The following UTRN variants were observed in gnomAD, a reference collection of about 807,000 sequenced individuals.
UTRN encodes utrophin.
A neutral mutation model predicts 463.9 loss-of-function variants in UTRN; 283 were observed. The ratio of observed to expected loss-of-function variants is 0.61; its 90% CI spans 0.55 to 0.67. UTRN has a LOEUF of 0.67. Among genes scored for constraint, UTRN ranks in the 30% least tolerant of loss-of-function variants. The pLI is 0.00. For missense variants in UTRN, 3,922 were observed against 4,084.3 expected, an observed-to-expected ratio of 0.96 and a Z score of 1.08; for synonymous variants, 1,442 against 1,431.5, an observed-to-expected ratio of 1.01 and a Z score of -0.17.
chr6:144,839,107 A>C (rs1363148216), intron 71 of UTRN, 66 bp from the exon 72 acceptor site: 1 of 1,305,990 alleles, frequency 7.7e-7, no homozygotes, highest in African/African-American at 1.5e-5. Flanking sequence ...GAAGTTAAAA[A>C]GGAAATGTTT....
chr6:144,510,467 A>T (rs149798166), intron 34 of UTRN, among the ~76,000 whole-genome samples: 257 of 152,280 alleles, frequency 1.7e-3, no homozygotes, highest in African/African-American at 6.0e-3. Flanking sequence ...CAGCTGTAAG[A>T]TGTTATCCTT....
intron 51 of UTRN, among the ~76,000 whole-genome samples, chr6:144,587,580 GT>G (rs1281131534): frequency 9.2e-5 from 14 of 152,296 alleles, no homozygotes; most frequent in African/African-American, 3.1e-4. Context: ...TTAAGGTTGA[GT>G]ATGTGGTTTT....
intron 2 of UTRN, among the ~76,000 whole-genome samples, chr6:144,362,962 GT>G: frequency 6.6e-6 from 1 of 152,110 alleles, no homozygotes; most frequent in Non-Finnish European, 1.5e-5. Flanking sequence ...TTTCTCTTAG[GT>G]TTTGTATTAT....
At chr6:144,517,500 C>T (rs55833104) in intron 39 of UTRN, among the ~76,000 whole-genome samples, 21,843 of 151,868 alleles carry the variant, frequency 0.14, 1,700 homozygotes, top group South Asian at 0.3. Flanking sequence ...ATATCCAGCT[C>T]CAGCTCTTTT....
chr6:144,698,936 G>A (rs1784286584), intron 52 of UTRN, among the ~76,000 whole-genome samples: 1 of 152,190 alleles, frequency 6.6e-6, no homozygotes, highest in Non-Finnish European at 1.5e-5. Context: ...AAGTACTGCA[G>A]TGACTTTCGC....
At chr6:144,550,874 A>G (rs1443846729) in intron 47 of UTRN, 91 bp from the exon 48 acceptor site, 1 of 1,142,172 alleles carries the variant, frequency 8.8e-7, no homozygotes, top group African/African-American at 1.6e-5. Flanking sequence ...GAGGAAAACA[A>G]CGACAACTTT....
rs377479298 is a variant in UTRN, at chr6:144,552,477, T to G, written c.6928+1395T>G. Among the ~76,000 whole-genome samples the G allele has an allele frequency of 1.1e-4, 17 of 152,348 alleles. No homozygotes were observed. The South Asian group carries it at 1.2e-3, about 11-fold the overall frequency. ...CTTTTTCTATCATCTTGATGTTTTC[T>G]TTTAATTATTATTTTTTCCATCACC... is the stretch of plus-strand genomic sequence containing the variant. On this transcript the variant is annotated intron_variant, in intron 48 of 74. Transcript: ENST00000367545.
chr6:144,318,742 G>T (rs1775440720), intron 2 of UTRN, among the ~76,000 whole-genome samples: 1 of 152,194 alleles, frequency 6.6e-6, no homozygotes. Flanking sequence ...GGGATTACAG[G>T]CGTGAGCCAC....
At chr6:144,660,643 G>T in intron 51 of UTRN, among the ~76,000 whole-genome samples, 1 of 152,110 alleles carries the variant, frequency 6.6e-6, no homozygotes, top group East Asian at 1.9e-4. Context: ...GTCTGACTTC[G>T]TAGGCATGGG....
Position 144,699,397 on chromosome 6 carries a change from G to A in UTRN, c.7653-690G>A, listed in dbSNP as rs530699716. On this transcript the variant is annotated intron_variant, in intron 52 of 74. Coordinates refer to ENST00000367545, the MANE Select transcript of UTRN (RefSeq NM_007124.3). ...AGAGGTCGCAGTGAGCCGAGATTGCGCCACTGCACTCCAGCCTGGGTGACA... is the reference window on the plus strand; with the variant it reads ...AGAGGTCGCAGTGAGCCGAGATTGCACCACTGCACTCCAGCCTGGGTGACA... Among the ~76,000 whole-genome samples the A allele has an allele frequency of 3.0e-4, 43 of 144,764 alleles. No individual in the cohort carries two copies. The South Asian group carries it at 6.0e-3, about 20-fold the overall frequency. The allele number at this position is 144,764 out of a possible 152,430, so 95.0% of individuals were successfully genotyped here.
chr6:144,715,693 T>TCCCCCCCCC (rs10660006), intron 53 of UTRN, among the ~76,000 whole-genome samples: 1 of 131,024 alleles, frequency 7.6e-6, no homozygotes, highest in Admixed American at 7.8e-5. Flanking sequence ...CTCTCTCTCT[T>TCCCCCCCCC]CCCCCCCCAC....
At chr6:144,565,577 G>T (rs192677285) in intron 50 of UTRN, among the ~76,000 whole-genome samples, 1 of 152,136 alleles carries the variant, frequency 6.6e-6, no homozygotes, top group Non-Finnish European at 1.5e-5. Flanking sequence ...GTGAAAAAAC[G>T]CAGATTTGTC....
chr6:144,815,481 A>G (rs1562943983), intron 65 of UTRN, among the ~76,000 whole-genome samples: 1 of 151,980 alleles, frequency 6.6e-6, no homozygotes, highest in African/African-American at 2.4e-5. Flanking sequence ...CAGTTTGAGT[A>G]CCCAAACCTC....
intron 10 of UTRN, among the ~76,000 whole-genome samples, chr6:144,436,773 A>G (rs1786576350): frequency 6.9e-6 from 1 of 144,626 alleles, no homozygotes; most frequent in African/African-American, 2.5e-5. Context: ...ATTTATATAT[A>G]TAATAAATAA....
chr6:144,695,612 G>A lies in UTRN; in HGVS notation c.7653-4475G>A, dbSNP rs144046874. On this transcript the variant is annotated intron_variant, in intron 52 of 74. Transcript: ENST00000367545. ...CCCGCCTCAGCCTCCCAAAGTGCTG[G>A]GATTACAGGCGTGAGCCACTGCGCT... Among the ~76,000 whole-genome samples the A allele has an allele frequency of 1.3e-3, 202 of 152,272 alleles. 2 individuals are homozygous for A. Among genetic ancestry groups the A allele is most frequent in the Admixed American group, 4.1e-3 (62 of 15,298 alleles).
At chr6:144,719,713 T>C (rs1786899690) in intron 53 of UTRN, among the ~76,000 whole-genome samples, 1 of 152,178 alleles carries the variant, frequency 6.6e-6, no homozygotes, top group Non-Finnish European at 1.5e-5. Context: ...TATTAGGAGA[T>C]GACATCAGAC....
chr6:144,340,930 A>G (rs777263205), intron 2 of UTRN, among the ~76,000 whole-genome samples: 1 of 152,250 alleles, frequency 6.6e-6, no homozygotes. Context: ...AGAAACTTCA[A>G]TGAAGCCTTT....
intron 39 of UTRN, 21 bp downstream of exon 39, chr6:144,516,969 C>T (rs1795666891): frequency 1.4e-6 from 2 of 1,430,696 alleles, no homozygotes; most frequent in Non-Finnish European, 1.8e-6. Flanking sequence ...TGGAGAGTCT[C>T]TGTTGCATTT....
intron 51 of UTRN, among the ~76,000 whole-genome samples, chr6:144,671,148 G>GTT (rs34224093): frequency 6.8e-6 from 1 of 147,998 alleles, no homozygotes; most frequent in Non-Finnish European, 1.5e-5. Flanking sequence ...GAATTTTAGA[G>GTT]TTTTTTTTTT....
Sources: gnomAD v4.1 joint callset for allele counts (sites outside exome capture counted in the v4.1 genomes callset) on GRCh38, gnomAD v4.1.1 for gene constraint, MANE v1.5 for transcripts, NCBI Gene and HGNC (gene_info 2026-07-23, HGNC 2026-07-21) for gene names.